The following SAMD12 variants were observed in gnomAD, a reference collection of about 807,000 sequenced individuals.
SAMD12 encodes the protein sterile alpha motif domain-containing protein 12.
SAMD12 carries 9 observed loss-of-function variants against 15.0 expected under a neutral mutation model. That is an observed-to-expected ratio of 0.60 (90% confidence interval 0.36 to 1.05). The LOEUF is 1.05. SAMD12 is among the 50% of genes least tolerant of loss of function. SAMD12 has a pLI of 0.01. For synonymous variants in SAMD12, 86 were observed against 90.1 expected, an observed-to-expected ratio of 0.96 and a Z score of 0.25; for missense variants, 230 against 234.2, an observed-to-expected ratio of 0.98 and a Z score of 0.12.
At chr8:118,454,574 T>C (rs1006005104) in intron 2 of SAMD12, among the ~76,000 whole-genome samples, 1 of 152,226 alleles carries the variant, frequency 6.6e-6, no homozygotes, top group Non-Finnish European at 1.5e-5. Context: ...TTACTAAATA[T>C]TGGATCTTTC....
the SAMD12 span, among the ~76,000 whole-genome samples, chr8:118,165,308 C>A: frequency 6.6e-6 from 1 of 151,942 alleles, no homozygotes. Flanking sequence ...GAATACAACT[C>A]GGGAACAGCC....
intron 2 of SAMD12, among the ~76,000 whole-genome samples, chr8:118,553,310 C>T (rs1826408918): frequency 6.6e-6 from 1 of 152,274 alleles, no homozygotes; most frequent in Admixed American, 6.5e-5. Flanking sequence ...ACCAAAACAG[C>T]ATGGTACTGG....
At chr8:118,258,859 T>C (rs1196215896) in intron 4 of SAMD12, among the ~76,000 whole-genome samples, 1 of 152,064 alleles carries the variant, frequency 6.6e-6, no homozygotes, top group Non-Finnish European at 1.5e-5. Context: ...GGAAAGGAGT[T>C]GAGAATTGAG....
chr8:118,468,929 G>A (rs1047189163), intron 2 of SAMD12, among the ~76,000 whole-genome samples: 1 of 152,212 alleles, frequency 6.6e-6, no homozygotes, highest in African/African-American at 2.4e-5. Context: ...AAGTTGCAGT[G>A]AGAGGCTGCT....
chr8:118,608,306 C>T (rs1164354829), intron 1 of SAMD12, among the ~76,000 whole-genome samples: 2 of 151,848 alleles, frequency 1.3e-5, no homozygotes, highest in African/African-American at 4.8e-5. Flanking sequence ...CACTGACACA[C>T]CCCGCTCAGA....
chr8:118,439,092 A>G (rs774387187), intron 3 of SAMD12, among the ~76,000 whole-genome samples: 2 of 152,080 alleles, frequency 1.3e-5, no homozygotes, highest in African/African-American at 2.4e-5. Flanking sequence ...CCATCCCCCA[A>G]TTGAGAGACT....
At chr8:118,434,451 G>C (rs1045696025) in intron 3 of SAMD12, among the ~76,000 whole-genome samples, 3 of 152,182 alleles carry the variant, frequency 2.0e-5, no homozygotes, top group African/African-American at 7.2e-5. Flanking sequence ...GGGGAGCTCT[G>C]AGTGCTTCAC....
intron 2 of SAMD12, among the ~76,000 whole-genome samples, chr8:118,578,756 C>A (rs1226297435): frequency 6.6e-6 from 1 of 152,154 alleles, no homozygotes; most frequent in Admixed American, 6.5e-5. Context: ...GTTTCCTCGT[C>A]CTCCATTTAA....
intron 2 of SAMD12, among the ~76,000 whole-genome samples, chr8:118,553,207 A>G (rs1400915794): frequency 6.6e-6 from 1 of 152,208 alleles, no homozygotes; most frequent in Non-Finnish European, 1.5e-5. Flanking sequence ...GAACCAAAAA[A>G]AAGCCCACAT....
At chr8:118,426,987 A>T (rs944830781) in intron 3 of SAMD12, among the ~76,000 whole-genome samples, 1 of 152,222 alleles carries the variant, frequency 6.6e-6, no homozygotes, top group Admixed American at 6.5e-5. Context: ...ATGAAGACTC[A>T]GACGAGCAGA....
chr8:118,395,026 T>C (rs1820484938), intron 3 of SAMD12: 1 of 152,188 alleles, frequency 6.6e-6, no homozygotes, highest in African/African-American at 2.4e-5. Flanking sequence ...GTCTCCGTTT[T>C]CCCATCTCAT....
At chr8:118,161,439 G>C in the SAMD12 span, among the ~76,000 whole-genome samples, 11 of 151,856 alleles carry the variant, frequency 7.2e-5, no homozygotes, top group Non-Finnish European at 7.4e-5. Flanking sequence ...AATTAGCTGG[G>C]TGTGGTGGCA....
intron 4 of SAMD12, chr8:118,284,265 T>C (rs1813811413): frequency 2.2e-6 from 1 of 456,112 alleles, no homozygotes; most frequent in Non-Finnish European, 4.4e-6. Flanking sequence ...CCCTTTGTCT[T>C]TTACAGTTTG....
rs1042350097 is a variant in SAMD12 at position 118,587,196 on chromosome 8, T to C, written c.14-6303A>G. Among the ~76,000 whole-genome samples, 3 of 152,234 alleles carry C rather than the reference T, an allele frequency of 2.0e-5. No homozygotes were observed. The South Asian group carries it at 6.2e-4, about 31-fold the overall frequency. On this transcript the variant is annotated intron_variant, in intron 1 of 3. Coordinates refer to ENST00000314727, the MANE Select transcript of SAMD12 (RefSeq NM_207506.3). ...TATTTCAAATTTCATGTTTATGTCT[T>C]GCTTCTAGCTAAAGTTCCTGAAGGA...
At chr8:118,590,330 G>A (rs554658450) in intron 1 of SAMD12, among the ~76,000 whole-genome samples, 15 of 152,198 alleles carry the variant, frequency 9.9e-5, no homozygotes, top group African/African-American at 2.4e-4. Context: ...ATACTCCCAG[G>A]AGAATGCCAT....
In SAMD12 at chr8:118,386,952, C is replaced by T. The variant is rs744080; in HGVS notation, c.323-7252G>A. ...TTTCCCAGAATAGGATGAATTACAACGCCTCTTTTCTGCCAGAAATAGATC... is the reference window on the plus strand; with the variant it reads ...TTTCCCAGAATAGGATGAATTACAATGCCTCTTTTCTGCCAGAAATAGATC... On this transcript the variant is annotated intron_variant, in intron 3 of 3. Transcript: ENST00000314727. Among the ~76,000 whole-genome samples the T allele has an allele frequency of 9.8e-3, 1,488 of 152,320 alleles. 25 individuals are homozygous for T. Among genetic ancestry groups the T allele is most frequent in the African/African-American group, 0.034 (1,400 of 41,558 alleles).
intron 2 of SAMD12, among the ~76,000 whole-genome samples, chr8:118,455,002 T>A (rs1414233032): frequency 6.6e-6 from 1 of 152,242 alleles, no homozygotes; most frequent in Non-Finnish European, 1.5e-5. Flanking sequence ...ATTGCCTGGT[T>A]TCTCCATAGG....
chr8:118,413,907 T>C (rs1821553401), intron 3 of SAMD12, among the ~76,000 whole-genome samples: 1 of 129,882 alleles, frequency 7.7e-6, no homozygotes, highest in Non-Finnish European at 1.6e-5. Flanking sequence ...TGAAAGATAA[T>C]TGAGCAATTT....
intron 4 of SAMD12, among the ~76,000 whole-genome samples, chr8:118,289,833 T>C (rs992847045): frequency 1.4e-4 from 21 of 152,220 alleles, no homozygotes; most frequent in African/African-American, 4.8e-4. Context: ...AACTGTGCAT[T>C]TGAGTTACCT....
Sources: gnomAD v4.1 joint callset for allele counts (sites outside exome capture counted in the v4.1 genomes callset) on GRCh38, gnomAD v4.1.1 for gene constraint, MANE v1.5 for transcripts, NCBI Gene and HGNC (gene_info 2026-07-23, HGNC 2026-07-21) for gene names.